The following DNAH8 variants were observed in gnomAD, a reference collection of about 807,000 sequenced individuals.
The protein encoded by DNAH8 is axonemal beta dynein heavy chain 8.
Under a neutral mutation model 562.1 loss-of-function variants are expected in DNAH8, and 382 were observed. That is an observed-to-expected ratio of 0.68 (90% CI 0.63 to 0.74). The LOEUF (loss-of-function observed/expected upper bound fraction) is 0.74. Ranked by LOEUF, DNAH8 falls within the 30% of genes least tolerant of loss-of-function variation. The pLI is 0.00. For synonymous variants in DNAH8, 1,881 were observed against 1,919.4 expected (o/e 0.98, Z 0.52); for missense variants, 5,203 against 5,620.4 (o/e 0.93, Z 2.37).
chr6:38,771,652 T>C (rs902678079), intron 12 of DNAH8, among the ~76,000 whole-genome samples: 5 of 152,186 alleles, frequency 3.3e-5, no homozygotes, highest in African/African-American at 1.2e-4. Context: ...CAATATGTGG[T>C]CTTTTGTGGC....
intron 91 of DNAH8, among the ~76,000 whole-genome samples, chr6:39,014,181 C>G (rs1435172249): frequency 6.6e-6 from 1 of 152,000 alleles, no homozygotes; most frequent in East Asian, 1.9e-4. Flanking sequence ...TCAAATTATA[C>G]ATAGTATTTT....
chr6:38,765,398 C>T (rs545246222), intron 11 of DNAH8, among the ~76,000 whole-genome samples: 1 of 152,258 alleles, frequency 6.6e-6, no homozygotes, highest in African/African-American at 2.4e-5. Flanking sequence ...TTTTCCCCGA[C>T]ATTTTCCTCT....
Position 38,761,704 on chromosome 6 carries a change from A to G in DNAH8, c.1518A>G (p.Val506=), listed in dbSNP as rs1306220988. The part of the protein sequence containing the change: ...SERMTSLFIK[V]TNQMVTACKA... ...TTTTGTACCTATATTTATTTCAGGTAACAAATCAAATGGTAACAGCATGTA... is the reference window on the plus strand; with the variant it reads ...TTTTGTACCTATATTTATTTCAGGTGACAAATCAAATGGTAACAGCATGTA... Residue 506 remains valine (V), a splice_region_variant and synonymous_variant, in exon 11 of 93, where the codon GTA becomes GTG. Coordinates refer to ENST00000327475, the MANE Select transcript of DNAH8 (RefSeq NM_001206927.2). 6.7e-7 allele frequency: 1 copy of G among 1,494,342 alleles called. No homozygotes were observed. 92.6% of individuals were successfully genotyped at this position (1,494,342 alleles called of 1,614,324 possible).
chr6:38,966,882 T>A (rs1215284200), intron 82 of DNAH8, among the ~76,000 whole-genome samples: 1 of 152,166 alleles, frequency 6.6e-6, no homozygotes, highest in Non-Finnish European at 1.5e-5. Context: ...CAGTAGCTGA[T>A]AAAGGCCGGT....
chr6:38,860,431 A>T lies in DNAH8; in HGVS notation c.5959-26A>T, dbSNP rs754303822. 12 of 1,326,384 alleles carry T rather than the reference A, an allele frequency of 9.0e-6. No homozygotes were observed. The Admixed American group carries it at 2.1e-4, about 23-fold the overall frequency. The allele number at this position is 1,326,384 out of a possible 1,614,324, so 82.2% of individuals were successfully genotyped here. A position where few individuals can be genotyped will look rare whatever the true frequency, so the allele number is the denominator to read the frequency against. On this transcript the variant is annotated intron_variant, in intron 42 of 92. Coordinates refer to ENST00000327475, the MANE Select transcript of DNAH8 (RefSeq NM_001206927.2). ...TTATGCTATTGCAATTCAGTATATAATTTTTTTGTATTTTATGTTTTTAAG... is the reference window on the plus strand; with the variant it reads ...TTATGCTATTGCAATTCAGTATATATTTTTTTTGTATTTTATGTTTTTAAG...
intron 31 of DNAH8, 92 bp downstream of exon 31, chr6:38,832,527 G>T: frequency 1.4e-6 from 1 of 733,514 alleles, no homozygotes. Flanking sequence ...TAGGTACGTT[G>T]CATGTATGTG....
At chr6:38,887,857 A>G (rs1392638425) in intron 57 of DNAH8, among the ~76,000 whole-genome samples, 5 of 101,974 alleles carry the variant, frequency 4.9e-5, no homozygotes, top group Non-Finnish European at 9.6e-5. Flanking sequence ...TTTTTTTGAG[A>G]TGGAGTGTCA....
chr6:38,735,054 G>C (rs933459767), intron 5 of DNAH8, among the ~76,000 whole-genome samples: 2 of 152,158 alleles, frequency 1.3e-5, no homozygotes, highest in Non-Finnish European at 2.9e-5. Context: ...CAGAGAGACC[G>C]AAATTTGCCT....
intron 87 of DNAH8, among the ~76,000 whole-genome samples, chr6:38,986,574 G>GA (rs66568103): frequency 3.3e-5 from 5 of 150,944 alleles, no homozygotes; most frequent in Admixed American, 2.0e-4. Context: ...ATTCAAAGGA[G>GA]AAAAAAAAAG....
intron 91 of DNAH8, among the ~76,000 whole-genome samples, chr6:39,021,261 G>A (rs1766900975): frequency 6.6e-6 from 1 of 152,164 alleles, no homozygotes; most frequent in Admixed American, 6.5e-5. Context: ...TATCACCTGG[G>A]AGCTTGATTG....
chr6:38,910,424 A>AT (rs1780802849), intron 65 of DNAH8, among the ~76,000 whole-genome samples: 1 of 152,156 alleles, frequency 6.6e-6, no homozygotes, highest in Non-Finnish European at 1.5e-5. Context: ...ACTTTCATTG[A>AT]TTTTCAGTGA....
At chr6:38,867,935 T>G (rs1777177838) in intron 47 of DNAH8, 127 bp from the exon 48 acceptor site, 3 of 860,140 alleles carry the variant, frequency 3.5e-6, no homozygotes, top group Non-Finnish European at 5.3e-6. Context: ...AATAAACCTT[T>G]GTGGCTTAGT....
In DNAH8 at chr6:38,890,206, C is replaced by A. The variant is rs528685555; in HGVS notation, c.8474-446C>A. Among the ~76,000 whole-genome samples, 45 of 152,206 alleles carry A rather than the reference C, an allele frequency of 3.0e-4. No homozygotes were observed. The South Asian group carries it at 3.1e-3, about 11-fold the overall frequency. On this transcript the variant is annotated intron_variant, in intron 57 of 92. Coordinates refer to ENST00000327475, the MANE Select transcript of DNAH8 (RefSeq NM_001206927.2). The stretch of plus-strand genomic sequence containing the variant: ...ATGTGACCTTGAACAATCGGCTTCA[C>A]CTGTCTGGGCCTGGTCTCCTTCTCT...
chr6:39,012,064 C>G lies in DNAH8; in HGVS notation c.13372-151C>G, dbSNP rs76994407. On this transcript the variant is annotated intron_variant, in intron 89 of 92. Transcript: ENST00000327475. The stretch of plus-strand genomic sequence containing the variant: ...ACGCAGGAAATGGAAAGTTTAATGG[C>G]AAGTTTGGTTCTGCAAGACATATTT... The G allele has an allele frequency of 2.2e-3, 1,080 of 497,838 alleles. 11 individuals carry two copies. Among genetic ancestry groups the G allele is most frequent in the African/African-American group, 0.018 (958 of 52,026 alleles). The allele number at this position is 497,838 out of a possible 1,614,324, so 30.8% of individuals were successfully genotyped here. A position where few individuals can be genotyped will look rare whatever the true frequency, so the allele number is the denominator to read the frequency against.
chr6:38,986,258 G>A (rs950783916), intron 87 of DNAH8, among the ~76,000 whole-genome samples: 2 of 152,100 alleles, frequency 1.3e-5, no homozygotes, highest in African/African-American at 4.8e-5. Context: ...GGCCTATGGT[G>A]GCATATAATG....
At chr6:38,823,457 C>A in intron 27 of DNAH8, 105 bp from the exon 28 acceptor site, 1 of 848,942 alleles carries the variant, frequency 1.2e-6, no homozygotes, top group Non-Finnish European at 1.9e-6. Flanking sequence ...GGCCCCATTG[C>A]ACACACAAGT....
chr6:38,838,355 G>C (rs1304640587), intron 33 of DNAH8, among the ~76,000 whole-genome samples: 4 of 152,036 alleles, frequency 2.6e-5, no homozygotes. Flanking sequence ...CAGCAATTTT[G>C]AGTAACTTTT....
chr6:38,882,645 C>T (rs376568013), intron 53 of DNAH8, among the ~76,000 whole-genome samples: 3 of 152,048 alleles, frequency 2.0e-5, no homozygotes, highest in Admixed American at 6.6e-5. Context: ...ATAATCTGTA[C>T]GACAAACCCC....
intron 21 of DNAH8, among the ~76,000 whole-genome samples, chr6:38,795,988 T>G (rs1013706916): frequency 2.0e-5 from 3 of 152,210 alleles, no homozygotes; most frequent in Non-Finnish European, 4.4e-5. Context: ...TCTGTTAGTT[T>G]CCAGTTGTTC....
Sources: allele counts gnomAD v4.1 joint callset (sites outside exome capture counted in the v4.1 genomes callset), GRCh38; gene constraint gnomAD v4.1.1; transcripts MANE v1.5; gene names NCBI Gene and HGNC (gene_info 2026-07-23, HGNC 2026-07-21).